ADGRA2: variants seen among roughly 807,000 people sequenced by gnomAD.
ADGRA2 encodes the protein adhesion G protein-coupled receptor A2.
In ADGRA2, 61 loss-of-function variants were observed where a neutral mutation model predicts 98.7. The observed-to-expected ratio is 0.62, with a 90% confidence interval of 0.50 to 0.76. ADGRA2 has a LOEUF of 0.76. Ranked by LOEUF, ADGRA2 falls within the 30% of genes least tolerant of loss-of-function variation. ADGRA2 has a pLI of 0.00. For synonymous variants in ADGRA2, 858 were observed against 831.5 expected (o/e 1.03, Z -0.55); for missense variants, 1,712 against 1,860.0 (o/e 0.92, Z 1.46).
chr8:37,806,519 TC>T lies in ADGRA2; in HGVS notation c.267-8376del, dbSNP rs1451754299. Among the ~76,000 whole-genome samples, 1,018 of 130,668 alleles carry T rather than the reference TC, an allele frequency of 7.8e-3. 40 individuals are homozygous for T. Among genetic ancestry groups the T allele is most frequent in the African/African-American group, 0.033 (935 of 28,136 alleles). The allele number at this position is 130,668 out of a possible 152,430, so 85.7% of individuals were successfully genotyped here. On this transcript the variant is annotated intron_variant, in intron 1 of 18. Transcript: ENST00000412232. Reference sequence around the variant, plus strand: ...TCTTTTTCTTTTTCTTTTTCTTTTTTCTTTTTCTTTTTTTTTTTTTTTTGAG... The same window carrying T: ...TCTTTTTCTTTTTCTTTTTCTTTTTTTTTTTCTTTTTTTTTTTTTTTTGAG...
At chr8:37,831,720 T>C in intron 8 of ADGRA2, 133 bp downstream of exon 8, 1 of 740,798 alleles carries the variant, frequency 1.3e-6, no homozygotes, top group Non-Finnish European at 2.2e-6. Flanking sequence ...CACTTCCTTT[T>C]GTCATTCAGC....
chr8:37,839,728 C>G, intron 16 of ADGRA2, 106 bp downstream of exon 16: 2 of 1,414,468 alleles, frequency 1.4e-6, no homozygotes, highest in Non-Finnish European at 9.7e-7. Flanking sequence ...GCTCATAGGC[C>G]GTGGCTCCAT....
At chr8:37,806,054 C>CG (rs1037635956) in intron 1 of ADGRA2, among the ~76,000 whole-genome samples, 16 of 152,138 alleles carry the variant, frequency 1.1e-4, no homozygotes, top group African/African-American at 3.4e-4. Context: ...TGGCTCCCCC[C>CG]GGGGGGCTTT....
intron 8 of ADGRA2, among the ~76,000 whole-genome samples, 167 bp downstream of exon 8, chr8:37,831,754 TAG>T (rs1805461070): frequency 6.6e-6 from 1 of 152,230 alleles, no homozygotes; most frequent in South Asian, 2.1e-4. Context: ...ATCGAATAGA[TAG>T]ACTTTATGTA....
intron 2 of ADGRA2, among the ~76,000 whole-genome samples, chr8:37,825,197 C>T (rs770244618): frequency 6.6e-6 from 1 of 152,144 alleles, no homozygotes; most frequent in Non-Finnish European, 1.5e-5. Context: ...GCTACTCTAG[C>T]TTCACCTGAG....
At chr8:37,808,031 G>A (rs959582131) in intron 1 of ADGRA2, among the ~76,000 whole-genome samples, 7 of 152,162 alleles carry the variant, frequency 4.6e-5, no homozygotes, top group African/African-American at 7.2e-5. Flanking sequence ...GACGCCAGCC[G>A]CTTGCTCCCT....
Position 37,797,416 on chromosome 8 carries a change from C to A in ADGRA2, c.148C>A (p.Arg50=). The A allele has an allele frequency of 7.0e-7, 1 of 1,429,972 alleles. No homozygotes were observed. The highest frequency in any genetic ancestry group is 1.5e-5 in the South Asian group (1 of 67,784). The allele number at this position is 1,429,972 out of a possible 1,614,324, so 88.6% of individuals were successfully genotyped here. A position where few individuals can be genotyped will look rare whatever the true frequency, so the allele number is the denominator to read the frequency against. The part of the protein sequence containing the change: ...SIRSCKCSGE[R]PKGLSGGVPG... ...CCGCAGCTGCAAGTGCTCGGGGGAG[C>A]GGCCCAAGGGGCTGAGCGGCGGCGT... Residue 50 remains arginine, a synonymous_variant, in exon 1 of 19, where the codon CGG becomes AGG. Transcript: ENST00000412232. The surrounding 1 kb of genome is among the most constrained non-coding windows in gnomAD (Gnocchi z 5.3).
intron 5 of ADGRA2, 102 bp downstream of exon 5, chr8:37,829,661 G>T: frequency 2.0e-6 from 2 of 999,840 alleles, no homozygotes; most frequent in Non-Finnish European, 3.2e-6. Context: ...CTCACGAGTG[G>T]CCACAGCAGA....
rs1047670752 is a variant in ADGRA2, at chr8:37,802,382, G to A, written c.266+4848G>A. 2.6e-5 allele frequency among the ~76,000 whole-genome samples: 4 copies of A among 152,214 alleles called. No homozygotes were observed. The highest frequency in any genetic ancestry group is 2.1e-4 in the South Asian group (1 of 4,834). ...CATATGGTTCTCATAAGGTCTGGGC[G>A]CAGAGACAGCAGCCAGAGGAAGTGG... On this transcript the variant is annotated intron_variant, in intron 1 of 18. Transcript: ENST00000412232. This position sits in a 1 kb window ranked among gnomAD's most constrained non-coding sequence, Gnocchi z 4.7.
intron 2 of ADGRA2, among the ~76,000 whole-genome samples, chr8:37,826,430 C>T (rs1029292783): frequency 9.2e-5 from 14 of 152,160 alleles, no homozygotes; most frequent in Non-Finnish European, 1.5e-4. Flanking sequence ...TGTCCTGGCA[C>T]GGTCCCTGTG....
rs201796231 is a variant in ADGRA2, at chr8:37,833,975, G to A, written c.1455G>A (p.Glu485=). 7 of 1,612,632 alleles carry A rather than the reference G, an allele frequency of 4.3e-6. No homozygotes were observed. The East Asian group carries it at 1.1e-4, about 26-fold the overall frequency. ...CTTCCCTGTCCCCCCAGCTGGTAGA[G>A]GTGATGGTGGACATGGCCAGCAACC... The part of the protein sequence containing the change: ...GYVDQIKELV[E]VMVDMASNLM... The change falls in exon 11 of 19, where the codon GAG becomes GAA. Residue 485 remains glutamate, a synonymous_variant. Coordinates refer to ENST00000412232, the MANE Select transcript of ADGRA2 (RefSeq NM_032777.10).
chr8:37,842,403 C>T lies in ADGRA2; in HGVS notation c.*48C>T, dbSNP rs759479730. The T allele has an allele frequency of 2.8e-6, 4 of 1,423,568 alleles. No individual in the cohort carries two copies. Among genetic ancestry groups the T allele is most frequent in the African/African-American group, 1.5e-5 (1 of 66,888 alleles). The allele number at this position is 1,423,568 out of a possible 1,614,324, so 88.2% of individuals were successfully genotyped here. A position where few individuals can be genotyped will look rare whatever the true frequency, so the allele number is the denominator to read the frequency against. On this transcript the variant is annotated 3_prime_UTR_variant, in exon 19 of 19. Coordinates refer to ENST00000412232, the MANE Select transcript of ADGRA2 (RefSeq NM_032777.10). ...ACGGGCTGGCCACGCGGCTCGTTCCCCCGCTCCTCGGGGCCCTCCAAGGTG... is the reference window on the plus strand; with the variant it reads ...ACGGGCTGGCCACGCGGCTCGTTCCTCCGCTCCTCGGGGCCCTCCAAGGTG...
Position 37,841,120 on chromosome 8 carries a change from T to C in ADGRA2, c.2782T>C (p.Phe928Leu), listed in dbSNP as rs1219402193. 1.9e-6 allele frequency: 3 copies of C among 1,608,154 alleles called. No individual in the cohort carries two copies. The highest frequency in any genetic ancestry group is 2.5e-6 in the Non-Finnish European group (3 of 1,177,872). The change falls in exon 19 of 19, where the codon TTC (phenylalanine) becomes CTC (leucine). Residue 928 changes from phenylalanine to leucine, a missense_variant. By Grantham distance (22) the Phe-to-Leu change is conservative. Coordinates refer to ENST00000412232, the MANE Select transcript of ADGRA2 (RefSeq NM_032777.10). The surrounding 1 kb of genome is among the most constrained non-coding windows in gnomAD (Gnocchi z 5.0). The stretch of plus-strand genomic sequence containing the variant: ...GGTGTGGCGTCCAAGCCTTGGCGCC[T>C]TCTACATCCCTGTGGCTTTGATTCT... ...WLVWRPSLGA[F>L]YIPVALILLI...
In ADGRA2 at chr8:37,810,337, C is replaced by T. The variant is rs1274011226; in HGVS notation, c.267-4559C>T. ...CATCCTGGCCAACATGGTGAAACCC[C>T]GTTTCTACTAAAAATACAAAAATTA... On this transcript the variant is annotated intron_variant, in intron 1 of 18. Coordinates refer to ENST00000412232, the MANE Select transcript of ADGRA2 (RefSeq NM_032777.10). Among the ~76,000 whole-genome samples the T allele has an allele frequency of 5.3e-5, 8 of 151,822 alleles. No individual in the cohort carries two copies. The East Asian group carries it at 7.9e-4, about 15-fold the overall frequency.
At chr8:37,801,188 C>T (rs1257021818) in intron 1 of ADGRA2, among the ~76,000 whole-genome samples, 1 of 152,236 alleles carries the variant, frequency 6.6e-6, no homozygotes, top group East Asian at 1.9e-4. Context: ...GTTTTTGCAT[C>T]CCCTGTCTCC....
intron 1 of ADGRA2, among the ~76,000 whole-genome samples, chr8:37,812,444 G>A (rs1029029964): frequency 3.9e-5 from 6 of 151,994 alleles, no homozygotes; most frequent in Admixed American, 2.0e-4. Context: ...TGGCTAACAC[G>A]GTGAAACCCC....
chr8:37,824,359 T>C (rs2129983508), intron 2 of ADGRA2, among the ~76,000 whole-genome samples: 1 of 152,124 alleles, frequency 6.6e-6, no homozygotes, highest in Non-Finnish European at 1.5e-5. Flanking sequence ...ATTATTTGTC[T>C]TTTTGCTATT....
intron 1 of ADGRA2, among the ~76,000 whole-genome samples, chr8:37,813,744 G>C (rs1016956346): frequency 1.8e-4 from 27 of 152,306 alleles, no homozygotes; most frequent in African/African-American, 6.0e-4. Flanking sequence ...CCTCCATCCT[G>C]GCCACTGTCT....
At chr8:37,827,972 A>T (rs1805327765) in intron 2 of ADGRA2, among the ~76,000 whole-genome samples, 1 of 145,314 alleles carries the variant, frequency 6.9e-6, no homozygotes, top group Admixed American at 6.8e-5. Context: ...TGTCTCTACC[A>T]AAAAAAATTT....
Sources: gnomAD v4.1 joint callset for allele counts (sites outside exome capture counted in the v4.1 genomes callset) on GRCh38, gnomAD v4.1.1 for gene constraint, Gnocchi (gnomAD v3.1) non-coding constraint, MANE v1.5 for transcripts, NCBI Gene and HGNC (gene_info 2026-07-23, HGNC 2026-07-21) for gene names.